CMPK2: variants seen among roughly 807,000 people sequenced by gnomAD.
CMPK2 encodes the protein UMP-CMP kinase 2, mitochondrial.
A neutral mutation model predicts 33.4 loss-of-function variants in CMPK2; 32 were observed. The ratio of observed to expected loss-of-function variants is 0.96; its 90% CI spans 0.72 to 1.29. The LOEUF is 1.29. Among genes scored for constraint, CMPK2 ranks in the 50% most tolerant of loss-of-function variants. The pLI is 0.00. For missense variants in CMPK2, 672 were observed against 616.0 expected (o/e 1.09, Z -0.96); for synonymous variants, 299 against 275.3 (o/e 1.09, Z -0.85).
Position 6,848,670 on chromosome 2 carries a change from G to A in CMPK2, c.*1180C>T. 1 of 979,428 alleles carries A rather than the reference G, an allele frequency of 1.0e-6. No individual in the cohort carries two copies. Among genetic ancestry groups the A allele is most frequent in the Non-Finnish European group, 1.2e-6 (1 of 824,138 alleles). 60.7% of individuals were successfully genotyped at this position (979,428 alleles called of 1,614,324 possible). On this transcript the variant is annotated 3_prime_UTR_variant, in exon 5 of 5. Coordinates refer to ENST00000256722, the MANE Select transcript of CMPK2 (RefSeq NM_207315.4). The stretch of plus-strand genomic sequence containing the variant: ...TTGGAGTAATGTCTTCTTAAGAAAT[G>A]GTAGATAGGATAAAATAATTTACAG...
At chr2:6,855,274 G>A (rs1232835667) in intron 3 of CMPK2, among the ~76,000 whole-genome samples, 1 of 151,400 alleles carries the variant, frequency 6.6e-6, no homozygotes, top group African/African-American at 2.4e-5. Context: ...ATGAGATCTG[G>A]GTGTTTAAAA....
chr2:6,866,622 C>G (rs772175776), upstream of CMPK2: 3 of 189,244 alleles, frequency 1.6e-5, no homozygotes, highest in Non-Finnish European at 2.9e-5. Context: ...TGCTGCCTAA[C>G]AGTGTAACTG....
rs943220716 is a variant in CMPK2, at chr2:6,849,394, G to A, written c.*456C>T. 25 of 988,246 alleles carry A rather than the reference G, an allele frequency of 2.5e-5. No homozygotes were observed. The East Asian group carries it at 1.9e-3, about 76-fold the overall frequency. The allele number at this position is 988,246 out of a possible 1,614,324, so 61.2% of individuals were successfully genotyped here. On this transcript the variant is annotated 3_prime_UTR_variant, in exon 5 of 5. Coordinates refer to ENST00000256722, the MANE Select transcript of CMPK2 (RefSeq NM_207315.4). ...GGAGATGCAGCGAGCCCATCATGACGAGTGCAACCAGATGTGGAAGAAGCC... is the reference window on the plus strand; with the variant it reads ...GGAGATGCAGCGAGCCCATCATGACAAGTGCAACCAGATGTGGAAGAAGCC...
At position 6,861,091 on chromosome 2, in the gene CMPK2, T is replaced by C. The variant is rs1039993460; in HGVS notation, c.992+93A>G. 1.5e-4 allele frequency: 136 copies of C among 898,060 alleles called. 2 individuals are homozygous for C. The highest frequency in any genetic ancestry group is 2.2e-4 in the Non-Finnish European group (126 of 575,052). The allele number at this position is 898,060 out of a possible 1,614,324, so 55.6% of individuals were successfully genotyped here. ...TTTTTTCCTGGCATATACATGTACG[T>C]ATACACACACACGCACACACACACA... is the stretch of plus-strand genomic sequence containing the variant. On this transcript the variant is annotated intron_variant, in intron 3 of 4. Coordinates refer to ENST00000256722, the MANE Select transcript of CMPK2 (RefSeq NM_207315.4).
downstream of CMPK2, among the ~76,000 whole-genome samples, chr2:6,846,923 G>A (rs922573855): frequency 6.6e-6 from 1 of 152,206 alleles, no homozygotes; most frequent in African/African-American, 2.4e-5. Flanking sequence ...AGATGTAACA[G>A]TCTCCCGTTG....
At chr2:6,855,829 G>T (rs1179378028) in intron 3 of CMPK2, among the ~76,000 whole-genome samples, 1 of 152,078 alleles carries the variant, frequency 6.6e-6, no homozygotes, top group African/African-American at 2.4e-5. Context: ...ATACAGTCAG[G>T]GTGGTCTCTT....
chr2:6,857,809 G>T (rs1332955416), intron 3 of CMPK2, among the ~76,000 whole-genome samples: 1 of 151,298 alleles, frequency 6.6e-6, no homozygotes, highest in Non-Finnish European at 1.5e-5. Flanking sequence ...CTAATTTTTT[G>T]TATTTTTAGT....
rs552866352 is a variant in CMPK2, at chr2:6,865,010, C to G, written c.675+12G>C. ...TGCCACGCTGGGAGCTGGAAGCGGACAGAACTCTTACCTCCTCCAAAACGG... is the reference window on the plus strand; with the variant it reads ...TGCCACGCTGGGAGCTGGAAGCGGAGAGAACTCTTACCTCCTCCAAAACGG... On this transcript the variant is annotated intron_variant, in intron 1 of 4. Coordinates refer to ENST00000256722, the MANE Select transcript of CMPK2 (RefSeq NM_207315.4). 7.1e-7 allele frequency: 1 copy of G among 1,409,144 alleles called. No homozygotes were observed. The highest frequency in any genetic ancestry group is 3.0e-5 in the East Asian group (1 of 33,770). 87.3% of individuals were successfully genotyped at this position (1,409,144 alleles called of 1,614,324 possible).
At chr2:6,848,312 A>C, downstream of CMPK2, 1 of 969,506 alleles carries the variant, frequency 1.0e-6, no homozygotes, top group Non-Finnish European at 1.2e-6. Flanking sequence ...CCAGGATGAC[A>C]GCATAGATTA....
chr2:6,854,414 T>C (rs1264023161), intron 3 of CMPK2, among the ~76,000 whole-genome samples: 1 of 152,216 alleles, frequency 6.6e-6, no homozygotes, highest in Non-Finnish European at 1.5e-5. Context: ...ATGGATTTTA[T>C]TAAAATCTTT....
At chr2:6,857,336 T>A (rs1410415959) in intron 3 of CMPK2, among the ~76,000 whole-genome samples, 1 of 151,454 alleles carries the variant, frequency 6.6e-6, no homozygotes, top group Non-Finnish European at 1.5e-5. Context: ...TTGGGATTTT[T>A]TTTTTTTTTT....
intron 3 of CMPK2, among the ~76,000 whole-genome samples, chr2:6,853,367 T>A (rs981539461): frequency 7.9e-5 from 12 of 152,190 alleles, no homozygotes; most frequent in African/African-American, 2.9e-4. Flanking sequence ...TGTACATTAT[T>A]CTGCCTGTGT....
At chr2:6,859,011 G>A (rs1017650122) in intron 3 of CMPK2, among the ~76,000 whole-genome samples, 1 of 152,228 alleles carries the variant, frequency 6.6e-6, no homozygotes, top group Non-Finnish European at 1.5e-5. Context: ...TCCAGGCTGA[G>A]GTGGTCTCAG....
At chr2:6,850,088 T>C (rs1176784113) in intron 4 of CMPK2, 115 bp from the exon 5 acceptor site, 1 of 736,048 alleles carries the variant, frequency 1.4e-6, no homozygotes, top group African/African-American at 1.8e-5. Flanking sequence ...ATGTCATTTA[T>C]CTCACTGTAA....
intron 3 of CMPK2, among the ~76,000 whole-genome samples, chr2:6,857,510 G>C (rs962023902): frequency 2.0e-5 from 3 of 151,572 alleles, no homozygotes; most frequent in African/African-American, 7.2e-5. Context: ...TAGAGACAAG[G>C]TCTCACTATG....
chr2:6,863,391 C>T (rs1010846530), intron 2 of CMPK2, 73 bp downstream of exon 2: 14 of 1,352,662 alleles, frequency 1.0e-5, no homozygotes, highest in Admixed American at 1.7e-5. Context: ...TTTGGTTTTG[C>T]AGGAAGTATT....
In CMPK2 at chr2:6,859,151, G is replaced by A. The variant is rs148631203; in HGVS notation, c.992+2033C>T. 9.1e-3 allele frequency among the ~76,000 whole-genome samples: 1,384 copies of A among 152,322 alleles called. 21 individuals are homozygous for A. The highest frequency in any genetic ancestry group is 0.03 in the African/African-American group (1,246 of 41,568). Reference sequence around the variant, plus strand: ...TTTGAACTTGAGAGAATAATTTAGGGTAACTGGTGGAAGAAATTTCTAAGC... The same window carrying A: ...TTTGAACTTGAGAGAATAATTTAGGATAACTGGTGGAAGAAATTTCTAAGC... On this transcript the variant is annotated intron_variant, in intron 3 of 4. Transcript: ENST00000256722.
In CMPK2 at chr2:6,863,463, C is replaced by T; in HGVS notation, c.790+1G>A. On this transcript the variant is annotated splice_donor_variant, in intron 2 of 4. Transcript: ENST00000256722. LOFTEE classifies it high-confidence loss of function. ...ATAACTAAAAGGTAATATTATCTTA[C>T]CCGTGGCATCCAGTCCTTCGATGGC... is the stretch of plus-strand genomic sequence containing the variant. 3.1e-6 allele frequency: 5 copies of T among 1,611,516 alleles called. No individual in the cohort carries two copies. Among genetic ancestry groups the T allele is most frequent in the Non-Finnish European group, 4.2e-6 (5 of 1,177,768 alleles).
chr2:6,851,719 A>G, intron 3 of CMPK2, 36 bp from the exon 4 acceptor site: 7 of 1,587,472 alleles, frequency 4.4e-6, no homozygotes, highest in Non-Finnish European at 5.2e-6. Context: ...CTCTGTCTGC[A>G]GAAGAAGTCA....
Sources: gnomAD v4.1 joint callset for allele counts (sites outside exome capture counted in the v4.1 genomes callset) on GRCh38, gnomAD v4.1.1 for gene constraint, MANE v1.5 for transcripts, NCBI Gene and HGNC (gene_info 2026-07-23, HGNC 2026-07-21) for gene names.